Variants in EXT1 observed in about 807,000 individuals in gnomAD.
EXT1 encodes the protein exostosin glycosyltransferase 1.
EXT1 carries 20 observed loss-of-function variants against 82.5 expected under a neutral mutation model. The observed-to-expected ratio is 0.24, with a 90% CI of 0.17 to 0.35. EXT1 has a LOEUF of 0.35. EXT1 is among the 10% of genes least tolerant of loss of function. The pLI is 1.00. For synonymous variants in EXT1, 348 were observed against 350.8 expected, an observed-to-expected ratio of 0.99 and a Z score of 0.09; for missense variants, 757 against 936.5, an observed-to-expected ratio of 0.81 and a Z score of 2.50.
Position 118,110,095 on chromosome 8 carries a change from C to G in EXT1, c.952G>C (p.Glu318Gln). ...AGCCCAGACACTTACTTCTCATACTCGGTGTTGTCTCTGTCACAGCGAGAA... is the reference window on the plus strand; with the variant it reads ...AGCCCAGACACTTACTTCTCATACTGGGTGTTGTCTCTGTCACAGCGAGAA... The part of the protein sequence containing the change: ...KDSRCDRDNT[E>Q]YEKYDYREML... The change falls in exon 1 of 11, where the codon GAG becomes CAG. Residue 318 changes from glutamate (E) to glutamine (Q), a missense_variant. This residue lies in a region of EXT1 where 247 missense variants were observed against 330.1 expected (regional missense o/e 0.75). Coordinates refer to ENST00000378204, the MANE Select transcript of EXT1 (RefSeq NM_000127.3). 1 of 1,614,076 alleles carries G rather than the reference C, an allele frequency of 6.2e-7. No individual in the cohort carries two copies. The highest frequency in any genetic ancestry group is 8.5e-7 in the Non-Finnish European group (1 of 1,180,042).
Position 118,111,593 on chromosome 8 carries a change from C to G in EXT1, c.-547G>C. 4.7e-6 allele frequency: 2 copies of G among 422,096 alleles called. No homozygotes were observed. The highest frequency in any genetic ancestry group is 8.4e-6 in the Non-Finnish European group (2 of 238,982). The allele number at this position is 422,096 out of a possible 1,614,324, so 26.1% of individuals were successfully genotyped here. On this transcript the variant is annotated 5_prime_UTR_variant, in exon 1 of 11. Coordinates refer to ENST00000378204, the MANE Select transcript of EXT1 (RefSeq NM_000127.3). ...CTGGGGCGCCGTAACCTCACAAATCCCTGCATCTCTCTTTATTCCCTTCTG... is the reference window on the plus strand; with the variant it reads ...CTGGGGCGCCGTAACCTCACAAATCGCTGCATCTCTCTTTATTCCCTTCTG...
chr8:117,984,595 T>C (rs1815276830), intron 1 of EXT1, among the ~76,000 whole-genome samples: 1 of 151,772 alleles, frequency 6.6e-6, no homozygotes, highest in South Asian at 2.1e-4. Context: ...TGGGAGAGGA[T>C]GGGAAGGCAG....
chr8:117,878,156 C>G (rs1813002413), intron 1 of EXT1, among the ~76,000 whole-genome samples: 1 of 152,154 alleles, frequency 6.6e-6, no homozygotes, highest in Non-Finnish European at 1.5e-5. Context: ...CACCTGTAGT[C>G]TCAGCTACTA....
intron 1 of EXT1, among the ~76,000 whole-genome samples, chr8:117,961,077 T>G (rs183860764): frequency 6.6e-6 from 1 of 152,260 alleles, no homozygotes; most frequent in African/African-American, 2.4e-5. Context: ...AACTCCAACT[T>G]TGACCAAATT....
At chr8:117,873,647 G>A (rs1317505368) in intron 1 of EXT1, among the ~76,000 whole-genome samples, 1 of 151,940 alleles carries the variant, frequency 6.6e-6, no homozygotes, top group Non-Finnish European at 1.5e-5. Flanking sequence ...GTAGAGACAG[G>A]GTTTTGCCAT....
At chr8:118,015,737 C>A (rs994250381) in intron 1 of EXT1, among the ~76,000 whole-genome samples, 1 of 152,200 alleles carries the variant, frequency 6.6e-6, no homozygotes, top group Non-Finnish European at 1.5e-5. Context: ...AACCCCAGCA[C>A]CTCAGCATAT....
chr8:118,075,968 A>C (rs1817201509), intron 1 of EXT1, among the ~76,000 whole-genome samples: 1 of 152,198 alleles, frequency 6.6e-6, no homozygotes, highest in African/African-American at 2.4e-5. Flanking sequence ...TTTAAGGGGG[A>C]CAAATATCCA....
At chr8:118,082,875 T>C (rs1817356442) in intron 1 of EXT1, among the ~76,000 whole-genome samples, 1 of 152,172 alleles carries the variant, frequency 6.6e-6, no homozygotes. Flanking sequence ...CTTCTGAAAT[T>C]GAAAATAGAG....
chr8:117,942,287 A>AC (rs1205813860), intron 1 of EXT1, among the ~76,000 whole-genome samples: 1 of 152,220 alleles, frequency 6.6e-6, no homozygotes, highest in Non-Finnish European at 1.5e-5. Context: ...TACTTGAGGC[A>AC]TACATTTATC....
intron 1 of EXT1, among the ~76,000 whole-genome samples, chr8:118,099,797 A>G (rs973589665): frequency 3.9e-5 from 6 of 152,204 alleles, no homozygotes; most frequent in African/African-American, 1.4e-4. Context: ...TTATCCTCAC[A>G]TAGGATGCCC....
intron 1 of EXT1, among the ~76,000 whole-genome samples, chr8:118,026,180 C>G (rs948785828): frequency 6.6e-6 from 1 of 152,104 alleles, no homozygotes; most frequent in Non-Finnish European, 1.5e-5. Flanking sequence ...AGGAACCACA[C>G]GGCACCTACT....
intron 1 of EXT1, among the ~76,000 whole-genome samples, chr8:117,920,995 G>A (rs745324865): frequency 9.2e-5 from 14 of 152,164 alleles, no homozygotes; most frequent in Non-Finnish European, 1.5e-4. Flanking sequence ...GAACAAGTTT[G>A]TATCTTCAAA....
Position 118,110,726 on chromosome 8 carries a change from G to A in EXT1, c.321C>T (p.Thr107=), listed in dbSNP as rs756148244. The change falls in exon 1 of 11, where the codon ACC becomes ACT. Residue 107 remains threonine, a synonymous_variant. Coordinates refer to ENST00000378204, the MANE Select transcript of EXT1 (RefSeq NM_000127.3). The stretch of plus-strand genomic sequence containing the variant: ...CTTTGAAGCCGTTTTTCTTGCAAAG[G>A]GTGAAATCGAAGCAGGACTCCATGC... The part of the protein sequence containing the change: ...KCRMESCFDF[T]LCKKNGFKVY... The A allele has an allele frequency of 1.2e-6, 2 of 1,614,148 alleles. No individual in the cohort carries two copies. Among genetic ancestry groups the A allele is most frequent in the Non-Finnish European group, 1.7e-6 (2 of 1,180,034 alleles).
chr8:118,103,094 G>A (rs1270933653), intron 1 of EXT1, among the ~76,000 whole-genome samples: 3 of 152,076 alleles, frequency 2.0e-5, no homozygotes, highest in Non-Finnish European at 4.4e-5. Flanking sequence ...AGGAGGTTGC[G>A]GTAAGCCGAG....
chr8:117,916,233 C>G (rs1193080097), intron 1 of EXT1, among the ~76,000 whole-genome samples: 2 of 152,314 alleles, frequency 1.3e-5, no homozygotes, highest in Non-Finnish European at 2.9e-5. Context: ...TTCCTTGACA[C>G]CTGGGTGGTA....
chr8:117,881,894 A>G (rs1813065610), intron 1 of EXT1, among the ~76,000 whole-genome samples: 1 of 152,096 alleles, frequency 6.6e-6, no homozygotes, highest in Admixed American at 6.6e-5. Flanking sequence ...CAGCAGAAAT[A>G]TTTATATTCT....
At chr8:117,851,727 G>A (rs1412838561) in intron 1 of EXT1, among the ~76,000 whole-genome samples, 1 of 151,808 alleles carries the variant, frequency 6.6e-6, no homozygotes, top group Admixed American at 6.6e-5. Flanking sequence ...GATTTTTCAG[G>A]CAGTTCAGGT....
At chr8:118,094,555 T>C (rs1005217700) in intron 1 of EXT1, among the ~76,000 whole-genome samples, 1 of 152,266 alleles carries the variant, frequency 6.6e-6, no homozygotes, top group Non-Finnish European at 1.5e-5. Flanking sequence ...TAGTTTCTTA[T>C]TGAGTGTTTA....
rs550973679 is a variant in EXT1, at chr8:117,902,167, C to G, written c.963-64966G>C. On this transcript the variant is annotated intron_variant, in intron 1 of 10. Transcript: ENST00000378204. ...TGGAAGGTCTCTAGGGACAATAACA[C>G]GCATGGAGCTGTCATCTCCTATGAC... 1.8e-4 allele frequency among the ~76,000 whole-genome samples: 27 copies of G among 152,108 alleles called. 1 individual carries two copies. In the South Asian group the frequency reaches 5.6e-3, roughly 32 times the overall value.
Sources: gnomAD v4.1 joint callset for allele counts (sites outside exome capture counted in the v4.1 genomes callset) on GRCh38, gnomAD v4.1.1 for gene constraint, gnomAD v4.1.1 regional missense constraint, MANE v1.5 for transcripts, NCBI Gene and HGNC (gene_info 2026-07-23, HGNC 2026-07-21) for gene names.